The following LTBP1 variants were observed in gnomAD, a reference collection of about 807,000 sequenced individuals.
LTBP1 encodes latent transforming growth factor beta binding protein 1.
In LTBP1, 129 loss-of-function variants were observed where a neutral mutation model predicts 207.6. The ratio of observed to expected loss-of-function variants is 0.62; its 90% CI spans 0.54 to 0.72. The LOEUF (loss-of-function observed/expected upper bound fraction) is 0.72, where lower values mean the gene tolerates loss of function less well. Among genes scored for constraint, LTBP1 ranks in the 30% least tolerant of loss-of-function variants. LTBP1 has a pLI of 0.00. For missense variants in LTBP1, 2,281 were observed against 2,217.2 expected, an observed-to-expected ratio of 1.03 and a Z score of -0.58; for synonymous variants, 963 against 833.7, an observed-to-expected ratio of 1.16 and a Z score of -2.67.
intron 2 of LTBP1, among the ~76,000 whole-genome samples, chr2:32,953,689 G>A (rs4952320): frequency 0.075 from 11,382 of 152,174 alleles, 683 homozygotes; most frequent in East Asian, 0.23. Context: ...CTGCTTTATC[G>A]AAGTTTTTGC....
At chr2:33,322,196 A>C (rs1217542180) in intron 24 of LTBP1, among the ~76,000 whole-genome samples, 2 of 151,420 alleles carry the variant, frequency 1.3e-5, no homozygotes, top group Admixed American at 6.6e-5. Context: ...TCATCTGTTC[A>C]TAGAAGGAGA....
intron 32 of LTBP1, among the ~76,000 whole-genome samples, chr2:33,390,216 G>A (rs935471473): frequency 6.6e-6 from 1 of 152,162 alleles, no homozygotes; most frequent in Non-Finnish European, 1.5e-5. Flanking sequence ...CTGGATTAGT[G>A]AGCACAGCTT....
intron 2 of LTBP1, among the ~76,000 whole-genome samples, chr2:33,012,278 G>A (rs984616349): frequency 5.3e-5 from 8 of 151,848 alleles, no homozygotes; most frequent in South Asian, 4.2e-4. Context: ...GGGATGGGGT[G>A]GGGGGGGCTT....
intron 24 of LTBP1, among the ~76,000 whole-genome samples, chr2:33,326,597 T>A (rs1356793302): frequency 6.7e-6 from 1 of 149,756 alleles, no homozygotes; most frequent in African/African-American, 2.5e-5. Context: ...TTTACCCTGC[T>A]TTTTTGTCTT....
chr2:33,254,635 T>C (rs2092782498), intron 11 of LTBP1, among the ~76,000 whole-genome samples: 1 of 146,228 alleles, frequency 6.8e-6, no homozygotes, highest in Non-Finnish European at 1.5e-5. Flanking sequence ...TTAGGGTACA[T>C]GTGCACAGCA....
intron 24 of LTBP1, among the ~76,000 whole-genome samples, chr2:33,320,598 G>T (rs779168607): frequency 1.3e-5 from 2 of 152,142 alleles, no homozygotes; most frequent in South Asian, 4.2e-4. Flanking sequence ...TCTTCTACTG[G>T]CGAAGTGATA....
At chr2:33,024,156 A>G (rs2075305455) in intron 3 of LTBP1, among the ~76,000 whole-genome samples, 1 of 152,232 alleles carries the variant, frequency 6.6e-6, no homozygotes, top group Non-Finnish European at 1.5e-5. Context: ...ACACTAGGCA[A>G]CTACATAAAA....
At chr2:32,980,807 T>G (rs1228877912) in intron 2 of LTBP1, among the ~76,000 whole-genome samples, 4 of 152,180 alleles carry the variant, frequency 2.6e-5, no homozygotes, top group Non-Finnish European at 5.9e-5. Flanking sequence ...GGGAAAGTCT[T>G]TATTTCTCCT....
chr2:33,279,915 AATT>A, intron 18 of LTBP1, 121 bp from the exon 19 acceptor site: 2 of 967,738 alleles, frequency 2.1e-6, no homozygotes, highest in Non-Finnish European at 3.1e-6. Flanking sequence ...TCACTTACCC[AATT>A]ATTGTTTTTC....
chr2:33,174,712 CA>C (rs1317063041), intron 5 of LTBP1, among the ~76,000 whole-genome samples: 1 of 151,968 alleles, frequency 6.6e-6, no homozygotes, highest in Non-Finnish European at 1.5e-5. Flanking sequence ...AATCCTAAGC[CA>C]AAAAAACAAA....
chr2:33,285,451 CTT>C (rs199993814), intron 19 of LTBP1, among the ~76,000 whole-genome samples: 5 of 124,376 alleles, frequency 4.0e-5, no homozygotes, highest in Admixed American at 8.6e-5. Flanking sequence ...CTTTCTTTTT[CTT>C]TTTTTTTTTT....
At chr2:33,154,211 T>A (rs191878767) in intron 5 of LTBP1, among the ~76,000 whole-genome samples, 78 of 152,358 alleles carry the variant, frequency 5.1e-4, no homozygotes, top group African/African-American at 1.7e-3. Flanking sequence ...AGGTAGATTT[T>A]TTTTAAGTTG....
chr2:33,126,297 G>C (rs1036563784), intron 4 of LTBP1, among the ~76,000 whole-genome samples: 1 of 152,086 alleles, frequency 6.6e-6, no homozygotes, highest in African/African-American at 2.4e-5. Flanking sequence ...TCGATCTCCT[G>C]AACTCAAGCA....
intron 4 of LTBP1, among the ~76,000 whole-genome samples, chr2:33,115,980 T>A (rs1358227960): frequency 1.3e-5 from 2 of 152,200 alleles, no homozygotes; most frequent in African/African-American, 4.8e-5. Context: ...CAAATAATAT[T>A]TTAAGTACAG....
intron 3 of LTBP1, among the ~76,000 whole-genome samples, chr2:33,064,922 G>A (rs955974854): frequency 4.6e-5 from 7 of 152,166 alleles, no homozygotes; most frequent in African/African-American, 1.7e-4. Context: ...TACTAGCCAG[G>A]ACTGCTAGTG....
At chr2:33,198,994 G>T (rs2149041104) in intron 7 of LTBP1, among the ~76,000 whole-genome samples, 1 of 152,140 alleles carries the variant, frequency 6.6e-6, no homozygotes, top group African/African-American at 2.4e-5. Flanking sequence ...TGATGTTAGG[G>T]TGTCAGTTTT....
intron 12 of LTBP1, 115 bp from the exon 13 acceptor site, chr2:33,259,473 T>G (rs1263140133): frequency 1.4e-6 from 1 of 711,174 alleles, no homozygotes; most frequent in African/African-American, 1.8e-5. Context: ...TGCTTTAGTC[T>G]GATTCTTAAT....
At chr2:33,278,388 T>C (rs1346829045) in intron 18 of LTBP1, among the ~76,000 whole-genome samples, 2 of 152,142 alleles carry the variant, frequency 1.3e-5, no homozygotes, top group African/African-American at 4.8e-5. Context: ...AACGCGGCTG[T>C]TTTCAAATTT....
chr2:32,972,128 T>C (rs111727181), intron 2 of LTBP1, among the ~76,000 whole-genome samples: 19 of 149,508 alleles, frequency 1.3e-4, no homozygotes, highest in East Asian at 3.9e-4. Flanking sequence ...TTTTTTTTTT[T>C]CTGTGGATTC....
Sources: allele counts gnomAD v4.1 joint callset (sites outside exome capture counted in the v4.1 genomes callset), GRCh38; gene constraint gnomAD v4.1.1; transcripts MANE v1.5; gene names NCBI Gene and HGNC (gene_info 2026-07-23, HGNC 2026-07-21).